The following PPL variants were observed in gnomAD, a reference collection of about 807,000 sequenced individuals.
PPL encodes the protein periplakin, also known as 190 kDa paraneoplastic pemphigus antigen.
A neutral mutation model predicts 194.4 loss-of-function variants in PPL; 198 were observed. That is an observed-to-expected ratio of 1.02 (90% CI 0.91 to 1.15). The LOEUF is 1.15. Ranked by LOEUF, PPL falls within the 50% of genes most tolerant of loss-of-function variation. The pLI is 0.00. For missense variants in PPL, 2,885 were observed against 2,294.8 expected (o/e 1.26, Z -5.25); for synonymous variants, 1,220 against 972.4 (o/e 1.25, Z -4.74).
At chr16:4,903,031 G>A (rs1394002236) in intron 3 of PPL, among the ~76,000 whole-genome samples, 1 of 152,168 alleles carries the variant, frequency 6.6e-6, no homozygotes, top group Non-Finnish European at 1.5e-5. Context: ...TCAGTTTCCT[G>A]AGGGCCTACT....
At chr16:4,893,137 A>G (rs1329058507) in intron 14 of PPL, 76 bp downstream of exon 14, 2 of 1,424,362 alleles carry the variant, frequency 1.4e-6, no homozygotes, top group Admixed American at 2.8e-5. Context: ...CCATGGGGAA[A>G]AGACCTCAAA....
chr16:4,894,958 T>G (rs2088392795), intron 11 of PPL, among the ~76,000 whole-genome samples: 1 of 152,198 alleles, frequency 6.6e-6, no homozygotes, highest in Non-Finnish European at 1.5e-5. Context: ...GACCCTGGCA[T>G]TCCCTGGCCA....
At position 4,902,490 on chromosome 16, in the gene PPL, G is replaced by C. The variant is rs372841654; in HGVS notation, c.354C>G (p.Arg118=). The C allele has an allele frequency of 1.9e-6, 3 of 1,613,612 alleles. No individual in the cohort carries two copies. The highest frequency in any genetic ancestry group is 2.5e-6 in the Non-Finnish European group (3 of 1,179,860). Residue 118 remains arginine, a synonymous_variant, in exon 4 of 22, where the codon CGC becomes CGG. Coordinates refer to ENST00000345988, the MANE Select transcript of PPL (RefSeq NM_002705.5). The surrounding 1 kb of genome is among the most constrained non-coding windows in gnomAD (Gnocchi z 4.0). ...GCCTGTAGATCTGCTTGTGTTTCCC[G>C]CGCAGGTTGGTCACACGCTCCTTCA... The part of the protein sequence containing the change: ...RQLKERVTNL[R]GKHKQIYRLA...
chr16:4,917,509 T>G (rs970462552), intron 1 of PPL, among the ~76,000 whole-genome samples: 4 of 152,096 alleles, frequency 2.6e-5, no homozygotes, highest in African/African-American at 9.7e-5. Context: ...GGATGTAAAA[T>G]GGACAGTGAT....
chr16:4,900,432 G>GC (rs1484881540), intron 6 of PPL, among the ~76,000 whole-genome samples: 1 of 31,570 alleles, frequency 3.2e-5, no homozygotes, highest in Non-Finnish European at 8.4e-5. Context: ...TTTACTGCAC[G>GC]CCTTTTTTTT....
chr16:4,893,617 G>A lies in PPL; in HGVS notation c.1416C>T (p.Ser472=), dbSNP rs1331523708. The A allele has an allele frequency of 3.1e-6, 5 of 1,601,898 alleles. No homozygotes were observed. Among genetic ancestry groups the A allele is most frequent in the Non-Finnish European group, 4.3e-6 (5 of 1,176,370 alleles). The change falls in exon 13 of 22, where the codon AGC becomes AGT. Residue 472 remains serine, a synonymous_variant. Transcript: ENST00000345988. ...LADSLGSQYR[S]VRQKAAGSKR... is the part of the protein sequence containing the mutation. The stretch of plus-strand genomic sequence containing the variant: ...TGCTCCCAGCTGCCTTCTGCCGCAC[G>A]CTCCGGTACTGGCTGCCCAGGCTGT...
intron 21 of PPL, among the ~76,000 whole-genome samples, chr16:4,886,463 C>A (rs1177989078): frequency 1.3e-5 from 2 of 152,226 alleles, no homozygotes; most frequent in East Asian, 3.8e-4. Context: ...GAGAGTGCTG[C>A]TTCAGGATTT....
intron 1 of PPL, among the ~76,000 whole-genome samples, chr16:4,925,770 G>T (rs1165860378): frequency 6.6e-6 from 1 of 152,082 alleles, no homozygotes; most frequent in Non-Finnish European, 1.5e-5. Context: ...ATGAAGACGG[G>T]CTTCAAAAAG....
At chr16:4,890,424 A>T in intron 17 of PPL, 90 bp from the exon 18 acceptor site, 4 of 1,417,998 alleles carry the variant, frequency 2.8e-6, no homozygotes, top group Non-Finnish European at 3.7e-6. Context: ...AAACAACCAA[A>T]TGTAACAACC....
rs139008098 is a variant in PPL at position 4,925,705 on chromosome 16, A to G, written c.62+11279T>C. On this transcript the variant is annotated intron_variant, in intron 1 of 21. Transcript: ENST00000345988. The stretch of plus-strand genomic sequence containing the variant: ...AGATAACTGAGGCTCACAGAAGTTA[A>G]GAAACTGGTCCGAGTTTACACAGCT... Among the ~76,000 whole-genome samples, 360 of 152,314 alleles carry G rather than the reference A, an allele frequency of 2.4e-3. 2 individuals are homozygous for G. The highest frequency in any genetic ancestry group is 8.0e-3 in the African/African-American group (333 of 41,566).
intron 17 of PPL, 76 bp from the exon 18 acceptor site, chr16:4,890,410 T>A: frequency 6.9e-7 from 1 of 1,455,010 alleles, no homozygotes; most frequent in Non-Finnish European, 9.1e-7. Context: ...TTTTTTAAAG[T>A]GGGAAACAAC....
Position 4,897,786 on chromosome 16 carries a change from GGGGCCGGTCACCACT to G in PPL, c.877-31_877-17del, listed in dbSNP as rs2088463194. ...CCATGTGCGCCTGCCAGGAAGAGAA[GGGGCCGGTCACCACT>G]GGGCAGGTACTGCAGACACCAAGGG... On this transcript the variant is annotated splice_polypyrimidine_tract_variant and intron_variant, in intron 8 of 21. Transcript: ENST00000345988. 1.2e-6 allele frequency: 2 copies of G among 1,609,394 alleles called. No homozygotes were observed. Among genetic ancestry groups the G allele is most frequent in the African/African-American group, 2.7e-5 (2 of 74,840 alleles).
intron 1 of PPL, among the ~76,000 whole-genome samples, chr16:4,911,785 A>G (rs1255683220): frequency 6.6e-6 from 1 of 151,946 alleles, no homozygotes; most frequent in Admixed American, 6.6e-5. Context: ...CAATTCGTCC[A>G]CCTTGGACTC....
At chr16:4,890,600 A>G in intron 17 of PPL, 128 bp downstream of exon 17, 1 of 1,203,854 alleles carries the variant, frequency 8.3e-7, no homozygotes, top group South Asian at 1.6e-5. Context: ...CAGGGCCGTC[A>G]GAGAATCTGA....
Position 4,890,063 on chromosome 16 carries a change from G to T in PPL, c.2313+121C>A, listed in dbSNP as rs2660242. 1.9e-4 allele frequency: 275 copies of T among 1,421,392 alleles called. No individual in the cohort carries two copies. The African/African-American group carries it at 3.5e-3, about 18-fold the overall frequency. The allele number at this position is 1,421,392 out of a possible 1,614,324, so 88.0% of individuals were successfully genotyped here. ...TGAGCTGAGGCCCAGGGAGGACACA[G>T]CTGTGGCAGGCCTCTGCCCTGCTCC... On this transcript the variant is annotated intron_variant, in intron 18 of 21. Coordinates refer to ENST00000345988, the MANE Select transcript of PPL (RefSeq NM_002705.5).
chr16:4,934,899 G>C (rs914355155), intron 1 of PPL, among the ~76,000 whole-genome samples: 2 of 152,216 alleles, frequency 1.3e-5, no homozygotes, highest in Non-Finnish European at 2.9e-5. Flanking sequence ...GGATGCACTG[G>C]GCTTGGAGAC....
rs569646839 is a variant in PPL, at chr16:4,883,900, T to C, written c.4755A>G (p.Glu1585=). The change falls in exon 22 of 22, where the codon GAA becomes GAG. Residue 1585 remains glutamate, a synonymous_variant. Coordinates refer to ENST00000345988, the MANE Select transcript of PPL (RefSeq NM_002705.5). The surrounding 1 kb of genome is among the most constrained non-coding windows in gnomAD (Gnocchi z 4.8). The part of the protein sequence containing the change: ...LQLETRRLQS[E]INMAATETRD... ...GTGTTTCCGTCGCTGCCATGTTGAT[T>C]TCCGATTGGAGCCTTCGGGTCTCCA... 5.8e-5 allele frequency: 94 copies of C among 1,613,996 alleles called. 1 individual carries two copies. The South Asian group carries it at 1.0e-3, about 18-fold the overall frequency.
At chr16:4,924,711 C>T (rs535489957) in intron 1 of PPL, among the ~76,000 whole-genome samples, 5 of 152,276 alleles carry the variant, frequency 3.3e-5, no homozygotes, top group South Asian at 2.1e-4. Flanking sequence ...GACCCTGGCA[C>T]GAAGACCGCA....
chr16:4,919,065 C>T (rs1052992187), intron 1 of PPL, among the ~76,000 whole-genome samples: 1 of 152,220 alleles, frequency 6.6e-6, no homozygotes, highest in Admixed American at 6.5e-5. Context: ...AGATATCCCC[C>T]CTCCCCACAC....
Sources: gnomAD v4.1 joint callset for allele counts (sites outside exome capture counted in the v4.1 genomes callset) on GRCh38, gnomAD v4.1.1 for gene constraint, Gnocchi (gnomAD v3.1) non-coding constraint, MANE v1.5 for transcripts, NCBI Gene and HGNC (gene_info 2026-07-23, HGNC 2026-07-21) for gene names.